DEDD: variants seen among roughly 807,000 people sequenced by gnomAD.
The protein encoded by DEDD is death effector domain containing, also known as death effector domain-containing protein.
A neutral mutation model predicts 29.2 loss-of-function variants in DEDD; 3 were observed. The ratio of observed to expected loss-of-function variants is 0.10; its 90% CI spans 0.05 to 0.27. The LOEUF is 0.27. Ranked by LOEUF, DEDD falls within the 10% of genes least tolerant of loss-of-function variation. The probability of loss-of-function intolerance (pLI) is 1.00; values close to 1 mark genes in which losing one functional copy is unlikely to be tolerated. For missense variants in DEDD, 261 were observed against 420.5 expected, an observed-to-expected ratio of 0.62 and a Z score of 3.32; for synonymous variants, 152 against 161.3, an observed-to-expected ratio of 0.94 and a Z score of 0.44.
chr1:161,129,349 C>T (rs766771679), intron 2 of DEDD, among the ~76,000 whole-genome samples: 1 of 152,092 alleles, frequency 6.6e-6, no homozygotes, highest in Non-Finnish European at 1.5e-5. Flanking sequence ...AATCTCAACA[C>T]TTTGGGAGAC....
intron 1 of DEDD, 174 bp downstream of exon 1, chr1:161,132,377 C>G (rs1356986579): frequency 6.5e-6 from 1 of 154,728 alleles, no homozygotes; most frequent in Admixed American, 6.6e-5. Flanking sequence ...CCCTCGGCAG[C>G]TCCCCTCCCC....
Position 161,121,857 on chromosome 1 carries a change from C to T in DEDD, c.*290G>A. 1 of 360,370 alleles carries T rather than the reference C, an allele frequency of 2.8e-6. No individual in the cohort carries two copies. Among genetic ancestry groups the T allele is most frequent in the South Asian group, 4.2e-5 (1 of 23,994 alleles). 22.3% of individuals were successfully genotyped at this position (360,370 alleles called of 1,614,324 possible). A position where few individuals can be genotyped will look rare whatever the true frequency, so the allele number is the denominator to read the frequency against. ...ATCAATCCCTTACAAAGACTATGTG[C>T]TGTAGACTTTGCTTCTTCCTATACA... On this transcript the variant is annotated 3_prime_UTR_variant, in exon 6 of 6. Coordinates refer to ENST00000368006, the MANE Select transcript of DEDD (RefSeq NM_032998.3).
intron 4 of DEDD, 54 bp from the exon 5 acceptor site, chr1:161,123,275 A>C: frequency 6.6e-7 from 1 of 1,516,928 alleles, no homozygotes; most frequent in Non-Finnish European, 9.1e-7. Flanking sequence ...CAGAAATTCA[A>C]ACACTTCTGT....
Position 161,120,991 on chromosome 1 carries a change from T to G in DEDD, c.*1156A>C. ...GAAAGGTGGAATTTTATATAGTCAT[T>G]GTTTATTTCATGGAAACTGAAGTTC... On this transcript the variant is annotated 3_prime_UTR_variant, in exon 6 of 6. Transcript: ENST00000368006. The G allele has an allele frequency of 7.1e-7, 1 of 1,401,482 alleles. No individual in the cohort carries two copies. The highest frequency in any genetic ancestry group is 9.3e-7 in the Non-Finnish European group (1 of 1,080,440). The allele number at this position is 1,401,482 out of a possible 1,614,324, so 86.8% of individuals were successfully genotyped here.
Position 161,122,116 on chromosome 1 carries a change from AAC to A in DEDD, c.*29_*30del. ...GTAAGCTCCAGAGGTGGGTGATGGG[AAC>A]AGTCCCCAAAGTGAGAAGAGGGAAT... On this transcript the variant is annotated 3_prime_UTR_variant, in exon 6 of 6. Coordinates refer to ENST00000368006, the MANE Select transcript of DEDD (RefSeq NM_032998.3). The surrounding 1 kb of genome is among the most constrained non-coding windows in gnomAD (Gnocchi z 4.2). 1 of 1,607,758 alleles carries A rather than the reference AAC, an allele frequency of 6.2e-7. No individual in the cohort carries two copies. Among genetic ancestry groups the A allele is most frequent in the Non-Finnish European group, 8.5e-7 (1 of 1,177,362 alleles).
rs1655455307 is a variant in DEDD, at chr1:161,121,214, T to A, written c.*933A>T. ...CACTCAGTGCATGTCCCAGCCCCAT[T>A]CTCCCAAGCATGGGAGTGGGCGTAG... On this transcript the variant is annotated 3_prime_UTR_variant, in exon 6 of 6. Transcript: ENST00000368006. 2.0e-6 allele frequency: 2 copies of A among 995,200 alleles called. No individual in the cohort carries two copies. The highest frequency in any genetic ancestry group is 3.5e-5 in the African/African-American group (2 of 57,198). The allele number at this position is 995,200 out of a possible 1,614,324, so 61.6% of individuals were successfully genotyped here. A position where few individuals can be genotyped will look rare whatever the true frequency, so the allele number is the denominator to read the frequency against.
In DEDD at chr1:161,121,285, A is replaced by G. The variant is rs989113691; in HGVS notation, c.*862T>C. ...AAAAGGAATTACTTCACTTACACCT[A>G]TGATGCCCTTTGCCCAAGCCAGAAG... On this transcript the variant is annotated 3_prime_UTR_variant, in exon 6 of 6. Transcript: ENST00000368006. 3.1e-6 allele frequency: 2 copies of G among 654,212 alleles called. No individual in the cohort carries two copies. The highest frequency in any genetic ancestry group is 6.5e-5 in the South Asian group (1 of 15,402). The allele number at this position is 654,212 out of a possible 1,614,324, so 40.5% of individuals were successfully genotyped here. A position where few individuals can be genotyped will look rare whatever the true frequency, so the allele number is the denominator to read the frequency against.
rs773422609 is a variant in DEDD, at chr1:161,124,215, C to T, written c.248G>A (p.Arg83His). The change falls in exon 3 of 6, where the codon CGC becomes CAC. Residue 83 changes from arginine (R) to histidine (H), a missense_variant. Arg to His is a conservative substitution (Grantham distance 29). This residue lies in a region of DEDD where 203 missense variants were observed against 268.7 expected (regional missense o/e 0.76). Coordinates refer to ENST00000368006, the MANE Select transcript of DEDD (RefSeq NM_032998.3). Reference sequence around the variant, plus strand: ...GATGCGCAGCAGCTGCAGCACCTGGCGAAAGTTACTTTCATCACAGCGGCC... The same window carrying T: ...GATGCGCAGCAGCTGCAGCACCTGGTGAAAGTTACTTTCATCACAGCGGCC... ...RQGRCDESNF[R>H]QVLQLLRIIT... 30 of 1,614,216 alleles carry T rather than the reference C, an allele frequency of 1.9e-5. No homozygotes were observed. The highest frequency in any genetic ancestry group is 1.1e-5 in the Non-Finnish European group (13 of 1,180,046).
chr1:161,124,359 G>A lies in DEDD; in HGVS notation c.104C>T (p.Thr35Ile), dbSNP rs12035264. ...GCGCACATCTCTGTGTGTCAGATGAGTGCCCACGATGTCAAACATGCGGTG... is the reference window on the plus strand; with the variant it reads ...GCGCACATCTCTGTGTGTCAGATGAATGCCCACGATGTCAAACATGCGGTG... ...SLHRMFDIVG[T>I]HLTHRDVRVL... Residue 35 changes from threonine (T) to isoleucine (I), a missense_variant, in exon 3 of 6, where the codon ACT (threonine) becomes ATT (isoleucine). This residue lies in a region of DEDD where 203 missense variants were observed against 268.7 expected (regional missense o/e 0.76). Coordinates refer to ENST00000368006, the MANE Select transcript of DEDD (RefSeq NM_032998.3). The A allele has an allele frequency of 6.2e-7, 1 of 1,614,186 alleles. No homozygotes were observed. The highest frequency in any genetic ancestry group is 1.1e-5 in the South Asian group (1 of 91,088).
At chr1:161,131,886 C>T (rs911475640) in intron 1 of DEDD, among the ~76,000 whole-genome samples, 1 of 152,032 alleles carries the variant, frequency 6.6e-6, no homozygotes, top group Admixed American at 6.6e-5. Context: ...GCTCCACTGT[C>T]CTATCTCCCA....
At position 161,122,630 on chromosome 1, in the gene DEDD, T is replaced by C. The variant is rs1655635220; in HGVS notation, c.581-107A>G. ...CAACAGAATAAAAAAGTAGGGAATA[T>C]CACCTGACAGCTTCTCTACCTCTTC... On this transcript the variant is annotated intron_variant, in intron 5 of 5. Transcript: ENST00000368006. This position sits in a 1 kb window ranked among gnomAD's most constrained non-coding sequence, Gnocchi z 4.2. 1 of 1,378,970 alleles carries C rather than the reference T, an allele frequency of 7.3e-7. No homozygotes were observed. Among genetic ancestry groups the C allele is most frequent in the East Asian group, 2.3e-5 (1 of 43,470 alleles). The allele number at this position is 1,378,970 out of a possible 1,614,324, so 85.4% of individuals were successfully genotyped here.
At chr1:161,130,288 T>G (rs564602283) in intron 2 of DEDD, among the ~76,000 whole-genome samples, 16 of 151,036 alleles carry the variant, frequency 1.1e-4, no homozygotes, top group African/African-American at 4.0e-4. Context: ...GAAACTTAAA[T>G]TAAAACTACA....
At chr1:161,129,776 CAA>C (rs1289880903) in intron 2 of DEDD, among the ~76,000 whole-genome samples, 1 of 152,118 alleles carries the variant, frequency 6.6e-6, no homozygotes, top group African/African-American at 2.4e-5. Flanking sequence ...GAAACACTGC[CAA>C]ATACCAAGAG....
chr1:161,131,125 T>TC (rs1208407896), intron 1 of DEDD: 1 of 152,208 alleles, frequency 6.6e-6, no homozygotes, highest in Non-Finnish European at 1.5e-5. Context: ...TTTAAGAACT[T>TC]CTGGGAAAAC....
chr1:161,126,641 C>T (rs910627295), intron 2 of DEDD, among the ~76,000 whole-genome samples: 3 of 152,000 alleles, frequency 2.0e-5, no homozygotes, highest in South Asian at 4.2e-4. Context: ...CACGCCTGGC[C>T]GAACACTCCA....
Position 161,124,175 on chromosome 1 carries a change from G to A in DEDD, c.288C>T (p.Asp96=), listed in dbSNP as rs1557979413. 6.2e-7 allele frequency: 1 copy of A among 1,614,130 alleles called. No individual in the cohort carries two copies. Among genetic ancestry groups the A allele is most frequent in the East Asian group, 2.2e-5 (1 of 44,884 alleles). Residue 96 remains aspartate (D), a synonymous_variant, in exon 3 of 6, where the codon GAC becomes GAT. Transcript: ENST00000368006. The part of the protein sequence containing the change: ...LQLLRIITRH[D]LLPYVTLKRR... ...TCTTGAGGGTGACGTAGGGCAGCAG[G>A]TCGTGGCGAGTGATGATGCGCAGCA...
intron 2 of DEDD, among the ~76,000 whole-genome samples, chr1:161,130,014 A>G (rs553499317): frequency 2.0e-5 from 3 of 152,266 alleles, no homozygotes; most frequent in Non-Finnish European, 4.4e-5. Context: ...CTTCTCTACT[A>G]TGTTTCTACT....
chr1:161,132,447 G>A, intron 1 of DEDD, 104 bp downstream of exon 1: 1 of 144,410 alleles, frequency 6.9e-6, no homozygotes, highest in Middle Eastern at 5.6e-4. Flanking sequence ...CGTCGCCACC[G>A]CCTCCCCCTC....
intron 2 of DEDD, among the ~76,000 whole-genome samples, chr1:161,125,923 G>C (rs552892965): frequency 3.0e-4 from 46 of 152,200 alleles, no homozygotes; most frequent in Non-Finnish European, 5.3e-4. Flanking sequence ...TTCCTCCATC[G>C]TTATGGGCTA....
Sources: allele counts gnomAD v4.1 joint callset (sites outside exome capture counted in the v4.1 genomes callset), GRCh38; gene constraint gnomAD v4.1.1; regional missense constraint gnomAD v4.1.1; non-coding constraint Gnocchi (gnomAD v3.1); transcripts MANE v1.5; gene names NCBI Gene and HGNC (gene_info 2026-07-23, HGNC 2026-07-21).